NOP58: variants seen among roughly 807,000 people sequenced by gnomAD.
The protein encoded by NOP58 is NOP58 ribonucleoprotein.
NOP58 carries 44 observed loss-of-function variants against 71.2 expected under a neutral mutation model. The observed-to-expected ratio is 0.62, with a 90% CI of 0.49 to 0.79. The LOEUF (loss-of-function observed/expected upper bound fraction) is 0.79, where lower values mean the gene tolerates loss of function less well. Ranked by LOEUF, NOP58 falls within the 30% of genes least tolerant of loss-of-function variation. NOP58 has a pLI of 0.00. For missense variants in NOP58, 538 were observed against 620.2 expected, an observed-to-expected ratio of 0.87 and a Z score of 1.41; for synonymous variants, 228 against 200.3, an observed-to-expected ratio of 1.14 and a Z score of -1.17.
chr2:202,266,136 A>T (rs1422758165), intron 1 of NOP58, 150 bp downstream of exon 1: 25 of 846,874 alleles, frequency 3.0e-5, no homozygotes, highest in Non-Finnish European at 4.4e-5. Flanking sequence ...TACACCTGAG[A>T]GCCATGTTAC....
chr2:202,278,192 G>T (rs1306517487), intron 3 of NOP58, 190 bp downstream of exon 3: 1 of 683,670 alleles, frequency 1.5e-6, no homozygotes, highest in Non-Finnish European at 2.8e-6. Flanking sequence ...ACAACATTGA[G>T]TTAGCTTTTT....
Position 202,265,988 on chromosome 2 carries a change from T to C in NOP58, c.45+2T>C. 1 of 1,613,886 alleles carries C rather than the reference T, an allele frequency of 6.2e-7. No homozygotes were observed. The highest frequency in any genetic ancestry group is 8.5e-7 in the Non-Finnish European group (1 of 1,179,966). On this transcript the variant is annotated splice_donor_variant, in intron 1 of 14. Transcript: ENST00000264279. LOFTEE classifies it high-confidence loss of function. ...TCTGTGGGTTACGCCATCTTTAAGG[T>C]AGGTGGGAGAGCGAGCCGTTAAAGG...
Position 202,303,596 on chromosome 2 carries a change from T to C in NOP58, c.*160T>C, listed in dbSNP as rs1419528936. On this transcript the variant is annotated 3_prime_UTR_variant, in exon 15 of 15. Coordinates refer to ENST00000264279, the MANE Select transcript of NOP58 (RefSeq NM_015934.5). Reference sequence around the variant, plus strand: ...AACCTATTTGTCTTGACATCAACTCTGTTAACCTTATGTCATCATTTCTTA... The same window carrying C: ...AACCTATTTGTCTTGACATCAACTCCGTTAACCTTATGTCATCATTTCTTA... The C allele has an allele frequency of 2.4e-6, 2 of 835,190 alleles. No homozygotes were observed. The highest frequency in any genetic ancestry group is 6.9e-5 in the Admixed American group (2 of 29,112). The allele number at this position is 835,190 out of a possible 1,614,324, so 51.7% of individuals were successfully genotyped here.
chr2:202,280,406 C>T (rs1688680716), intron 3 of NOP58, among the ~76,000 whole-genome samples: 1 of 151,994 alleles, frequency 6.6e-6, no homozygotes, highest in Admixed American at 6.6e-5. Context: ...TCACTGCAGT[C>T]TCCACCTCCT....
intron 1 of NOP58, among the ~76,000 whole-genome samples, chr2:202,270,214 GCTTT>G (rs1006636326): frequency 3.3e-5 from 5 of 152,132 alleles, no homozygotes; most frequent in African/African-American, 9.7e-5. Context: ...CCACTGTTCA[GCTTT>G]CTTTTTGCAT....
chr2:202,291,390 GT>G (rs1209994852), intron 8 of NOP58, 120 bp downstream of exon 8: 1 of 686,024 alleles, frequency 1.5e-6, no homozygotes, highest in African/African-American at 1.8e-5. Flanking sequence ...AAATATGAGG[GT>G]GTTCAGTCAC....
intron 1 of NOP58, among the ~76,000 whole-genome samples, chr2:202,268,832 T>C (rs1688465307): frequency 6.6e-6 from 1 of 152,034 alleles, no homozygotes; most frequent in African/African-American, 2.4e-5. Flanking sequence ...GGTCTCGAAC[T>C]CCTGACCTCA....
Position 202,287,734 on chromosome 2 carries a change from G to A in NOP58, c.499+10G>A, listed in dbSNP as rs1320449382. 2 of 1,594,238 alleles carry A rather than the reference G, an allele frequency of 1.3e-6. No individual in the cohort carries two copies. The highest frequency in any genetic ancestry group is 1.7e-6 in the Non-Finnish European group (2 of 1,162,018). On this transcript the variant is annotated intron_variant, in intron 6 of 14. Coordinates refer to ENST00000264279, the MANE Select transcript of NOP58 (RefSeq NM_015934.5). ...ATTGTTCAGGCAATTTGTAAGTATA[G>A]TACATGCAAAGTCCGATTTGTTGCT...
intron 5 of NOP58, among the ~76,000 whole-genome samples, chr2:202,287,425 A>G (rs1252309263): frequency 2.0e-5 from 3 of 151,212 alleles, no homozygotes; most frequent in Non-Finnish European, 4.4e-5. Context: ...AAACTCATTC[A>G]TGTTACAGAA....
In NOP58 at chr2:202,297,385, C is replaced by T; in HGVS notation, c.1078C>T (p.Arg360Ter). The T allele has an allele frequency of 1.2e-6, 2 of 1,611,300 alleles. No individual in the cohort carries two copies. The highest frequency in any genetic ancestry group is 1.7e-6 in the Non-Finnish European group (2 of 1,178,638). The part of the protein sequence containing the change: ...TSPKHKGKIS[R>*]MLAAKTVLAI... Reference sequence around the variant, plus strand: ...CTTCATGTTTTTCTATTAGATTTCTCGAATGCTGGCAGCCAAAACCGTTTT... The same window carrying T: ...CTTCATGTTTTTCTATTAGATTTCTTGAATGCTGGCAGCCAAAACCGTTTT... The change falls in exon 11 of 15, where the codon CGA (arginine) becomes TGA (stop). Residue 360 changes from arginine to a stop codon, truncating the protein, a stop_gained. Coordinates refer to ENST00000264279, the MANE Select transcript of NOP58 (RefSeq NM_015934.5). LOFTEE classifies it high-confidence loss of function.
chr2:202,267,662 T>C lies in NOP58; in HGVS notation c.45+1676T>C, dbSNP rs10200908. Among the ~76,000 whole-genome samples, 210 of 152,318 alleles carry C rather than the reference T, an allele frequency of 1.4e-3. 2 individuals carry two copies. The highest frequency in any genetic ancestry group is 4.8e-3 in the African/African-American group (198 of 41,580). On this transcript the variant is annotated intron_variant, in intron 1 of 14. Coordinates refer to ENST00000264279, the MANE Select transcript of NOP58 (RefSeq NM_015934.5). ...GTCTATCGATGAATTTCACCGTTAATTGCCGTAGTATACTGTCCTGTACCG... is the reference window on the plus strand; with the variant it reads ...GTCTATCGATGAATTTCACCGTTAACTGCCGTAGTATACTGTCCTGTACCG...
At chr2:202,293,718 G>T (rs1288709752) in intron 9 of NOP58, among the ~76,000 whole-genome samples, 1 of 152,062 alleles carries the variant, frequency 6.6e-6, no homozygotes, top group Admixed American at 6.6e-5. Context: ...TTACAGGCAT[G>T]TGCTGCCACC....
At chr2:202,276,170 C>T (rs1041768353) in intron 2 of NOP58, among the ~76,000 whole-genome samples, 2 of 151,974 alleles carry the variant, frequency 1.3e-5, no homozygotes, top group Admixed American at 1.3e-4. Flanking sequence ...GAAACCCCCT[C>T]TCTCCTAAAA....
Position 202,295,658 on chromosome 2 carries a change from CT to C in NOP58, c.908-10del. ...ATATTTGGAGGTGCATTCTTTGTAA[CT>C]TTTTTCTTTTGTAGGTTCTCTTTTA... On this transcript the variant is annotated splice_polypyrimidine_tract_variant and intron_variant, in intron 9 of 14. Transcript: ENST00000264279. 1 of 1,544,992 alleles carries C rather than the reference CT, an allele frequency of 6.5e-7. No individual in the cohort carries two copies. Among genetic ancestry groups the C allele is most frequent in the South Asian group, 1.2e-5 (1 of 80,344 alleles).
intron 4 of NOP58, among the ~76,000 whole-genome samples, chr2:202,284,003 T>G (rs1688750321): frequency 6.6e-6 from 1 of 151,944 alleles, no homozygotes; most frequent in Admixed American, 6.6e-5. Flanking sequence ...AATTTCAGGC[T>G]GGGCGCGGTG....
intron 4 of NOP58, 43 bp downstream of exon 4, chr2:202,282,515 C>T: frequency 6.4e-7 from 1 of 1,565,234 alleles, no homozygotes. Context: ...AGTCAGATCT[C>T]ACAGCATACC....
At chr2:202,269,718 G>A (rs1211836073) in intron 1 of NOP58, among the ~76,000 whole-genome samples, 1 of 151,990 alleles carries the variant, frequency 6.6e-6, no homozygotes, top group African/African-American at 2.4e-5. Context: ...TGCAGCCTGG[G>A]CGACAGGGCA....
At chr2:202,284,195 C>T (rs769578565) in intron 4 of NOP58, 150 bp from the exon 5 acceptor site, 30 of 573,026 alleles carry the variant, frequency 5.2e-5, no homozygotes, top group Non-Finnish European at 8.2e-5. Flanking sequence ...ATCTCTTGAA[C>T]CCAGGAGGCG....
At chr2:202,298,455 G>A (rs768765028) in intron 12 of NOP58, among the ~76,000 whole-genome samples, 5 of 152,014 alleles carry the variant, frequency 3.3e-5, no homozygotes, top group Non-Finnish European at 7.4e-5. Flanking sequence ...GTTCAACACA[G>A]GCCTGGCCAA....
Sources: gnomAD v4.1 joint callset for allele counts (sites outside exome capture counted in the v4.1 genomes callset) on GRCh38, gnomAD v4.1.1 for gene constraint, MANE v1.5 for transcripts, NCBI Gene and HGNC (gene_info 2026-07-23, HGNC 2026-07-21) for gene names.